ANKH: variants seen among roughly 807,000 people sequenced by gnomAD.
ANKH encodes the protein ANKH inorganic pyrophosphate transport regulator.
Under a neutral mutation model 49.0 loss-of-function variants are expected in ANKH, and 15 were observed. The observed-to-expected ratio is 0.31, with a 90% CI of 0.20 to 0.47. The LOEUF (loss-of-function observed/expected upper bound fraction) is 0.47, where lower values mean the gene tolerates loss of function less well. Ranked by LOEUF, ANKH falls within the 20% of genes least tolerant of loss-of-function variation. The pLI is 1.00. For missense variants in ANKH, 429 were observed against 652.0 expected (o/e 0.66, Z 3.72); for synonymous variants, 273 against 260.0 (o/e 1.05, Z -0.48).
intron 1 of ANKH, among the ~76,000 whole-genome samples, chr5:14,793,005 T>TAAAAATATATATATATATAAAA (rs1554006416): frequency 3.3e-5 from 2 of 60,286 alleles, no homozygotes; most frequent in East Asian, 5.9e-4. Flanking sequence ...TATATATATA[T>TAAAAATATATATATATATAAAA]AAATATATAT....
chr5:14,752,282 C>T (rs1412005004), intron 4 of ANKH, among the ~76,000 whole-genome samples: 1 of 152,062 alleles, frequency 6.6e-6, no homozygotes, highest in Non-Finnish European at 1.5e-5. Flanking sequence ...TGCACTCCAG[C>T]CTGGGTGACA....
At chr5:14,862,747 G>A (rs1010044362) in intron 1 of ANKH, among the ~76,000 whole-genome samples, 13 of 152,198 alleles carry the variant, frequency 8.5e-5, no homozygotes, top group Non-Finnish European at 1.5e-4. Context: ...GGTGTTTCAC[G>A]TATGTTTTCT....
chr5:14,722,255 C>T (rs1561024397), intron 8 of ANKH, among the ~76,000 whole-genome samples: 1 of 152,132 alleles, frequency 6.6e-6, no homozygotes, highest in African/African-American at 2.4e-5. Context: ...AGCACACACC[C>T]CTAATAATCT....
chr5:14,716,623 C>T, intron 9 of ANKH, 83 bp downstream of exon 9: 1 of 1,579,274 alleles, frequency 6.3e-7, no homozygotes, highest in Admixed American at 1.7e-5. Context: ...GTGTTGGTGA[C>T]ATAATTGCAA....
intron 1 of ANKH, among the ~76,000 whole-genome samples, chr5:14,856,705 A>G (rs1193279654): frequency 1.3e-5 from 2 of 152,188 alleles, no homozygotes; most frequent in African/African-American, 4.8e-5. Flanking sequence ...AAAAGGAAAA[A>G]GAACGTTTTC....
chr5:14,787,495 T>G (rs1301861618), intron 1 of ANKH, among the ~76,000 whole-genome samples: 1 of 152,166 alleles, frequency 6.6e-6, no homozygotes, highest in Non-Finnish European at 1.5e-5. Flanking sequence ...CTGTTCATCC[T>G]GGTTATTTTA....
chr5:14,800,298 C>T (rs1740531039), intron 1 of ANKH, among the ~76,000 whole-genome samples: 1 of 152,198 alleles, frequency 6.6e-6, no homozygotes. Context: ...GAAGTGACAA[C>T]AAATGACTTA....
chr5:14,721,853 C>T (rs537183228), intron 8 of ANKH, among the ~76,000 whole-genome samples: 3 of 123,004 alleles, frequency 2.4e-5, no homozygotes, highest in Non-Finnish European at 3.2e-5. Flanking sequence ...TGGCGTGAAT[C>T]GGGGAGGCGG....
chr5:14,758,182 A>G (rs1738962152), intron 3 of ANKH, among the ~76,000 whole-genome samples: 2 of 152,202 alleles, frequency 1.3e-5, no homozygotes, highest in Non-Finnish European at 2.9e-5. Context: ...AAAAGTACAA[A>G]CGCTGTATGA....
chr5:14,817,240 A>G (rs1454321841), intron 1 of ANKH, among the ~76,000 whole-genome samples: 1 of 152,134 alleles, frequency 6.6e-6, no homozygotes, highest in Non-Finnish European at 1.5e-5. Context: ...TGGATGTGTC[A>G]GAGGCTGTCT....
At chr5:14,834,479 T>C (rs1287670352) in intron 1 of ANKH, among the ~76,000 whole-genome samples, 1 of 152,184 alleles carries the variant, frequency 6.6e-6, no homozygotes, top group Non-Finnish European at 1.5e-5. Flanking sequence ...CTTAAGATTA[T>C]TTTAAAAATA....
chr5:14,748,660 G>A (rs374604073), intron 6 of ANKH, among the ~76,000 whole-genome samples: 7 of 152,240 alleles, frequency 4.6e-5, no homozygotes, highest in African/African-American at 2.4e-5. Flanking sequence ...TGGTGGTGAC[G>A]GGTCAGGTGG....
intron 2 of ANKH, 122 bp from the exon 3 acceptor site, chr5:14,758,720 T>A: frequency 1.2e-6 from 1 of 804,114 alleles, no homozygotes; most frequent in Admixed American, 1.9e-5. Context: ...AAAAATTAGA[T>A]AAGCAAATAG....
At chr5:14,803,651 A>G (rs1479233031) in intron 1 of ANKH, among the ~76,000 whole-genome samples, 1 of 151,892 alleles carries the variant, frequency 6.6e-6, no homozygotes, top group African/African-American at 2.4e-5. Context: ...TTCTTCTTCT[A>G]TACTCCCTTG....
At chr5:14,837,294 G>T (rs894195191) in intron 1 of ANKH, among the ~76,000 whole-genome samples, 2 of 152,138 alleles carry the variant, frequency 1.3e-5, no homozygotes, top group African/African-American at 4.8e-5. Context: ...AAACTAAAGA[G>T]CTTCTGCACA....
At chr5:14,733,258 A>G (rs976941455) in intron 8 of ANKH, among the ~76,000 whole-genome samples, 2 of 152,208 alleles carry the variant, frequency 1.3e-5, no homozygotes, top group Non-Finnish European at 2.9e-5. Flanking sequence ...TGGGCTCAGA[A>G]GATACAAAAA....
chr5:14,766,865 A>G (rs186490396), intron 2 of ANKH, among the ~76,000 whole-genome samples: 2 of 152,290 alleles, frequency 1.3e-5, no homozygotes, highest in African/African-American at 4.8e-5. Context: ...AAATCATACA[A>G]TGGCTTTTCG....
At chr5:14,758,846 T>C (rs1738985659) in intron 2 of ANKH, among the ~76,000 whole-genome samples, 1 of 152,260 alleles carries the variant, frequency 6.6e-6, no homozygotes, top group African/African-American at 2.4e-5. Flanking sequence ...AAAAACGAGA[T>C]TGTATTCCAC....
At chr5:14,801,773 C>T (rs1740572488) in intron 1 of ANKH, among the ~76,000 whole-genome samples, 1 of 152,228 alleles carries the variant, frequency 6.6e-6, no homozygotes, top group Admixed American at 6.5e-5. Context: ...TCCTTGAAAG[C>T]TCAGCTCTTG....
Sources: gnomAD v4.1 joint callset for allele counts (sites outside exome capture counted in the v4.1 genomes callset) on GRCh38, gnomAD v4.1.1 for gene constraint, MANE v1.5 for transcripts, NCBI Gene and HGNC (gene_info 2026-07-23, HGNC 2026-07-21) for gene names.